The following IFT43 variants were observed in gnomAD, a reference collection of about 807,000 sequenced individuals.
IFT43 encodes intraflagellar transport protein 43 homolog.
Under a neutral mutation model 32.3 loss-of-function variants are expected in IFT43, and 33 were observed. The observed-to-expected ratio is 1.02, with a 90% CI of 0.77 to 1.37. IFT43 has a LOEUF of 1.37. IFT43 is among the 40% of genes most tolerant of loss of function. IFT43 has a pLI of 0.00. For synonymous variants in IFT43, 93 were observed against 98.2 expected (o/e 0.95, Z 0.31); for missense variants, 274 against 265.9 (o/e 1.03, Z -0.21).
intron 5 of IFT43, among the ~76,000 whole-genome samples, chr14:76,075,342 C>T (rs917201845): frequency 2.6e-5 from 4 of 152,206 alleles, no homozygotes; most frequent in South Asian, 2.1e-4. Context: ...AGACCTGAGA[C>T]GTGTTTGTGC....
At chr14:76,010,438 T>C (rs1196504074) in intron 2 of IFT43, among the ~76,000 whole-genome samples, 2 of 152,208 alleles carry the variant, frequency 1.3e-5, no homozygotes, top group African/African-American at 2.4e-5. Flanking sequence ...CTAGTTTCTT[T>C]ATTGTTTTAA....
At chr14:76,011,855 T>G (rs1449765164) in intron 2 of IFT43, among the ~76,000 whole-genome samples, 1 of 152,150 alleles carries the variant, frequency 6.6e-6, no homozygotes, top group Non-Finnish European at 1.5e-5. Flanking sequence ...GTTGGAACTG[T>G]GCGTGGAGGA....
intron 2 of IFT43, among the ~76,000 whole-genome samples, chr14:75,990,750 G>A (rs897635974): frequency 6.6e-6 from 1 of 152,202 alleles, no homozygotes; most frequent in African/African-American, 2.4e-5. Flanking sequence ...AGCTTGAACT[G>A]CAGTGGTGTA....
rs571752378 is a variant in IFT43 at position 76,060,864 on chromosome 14, T to C, written c.295+1491T>C. Among the ~76,000 whole-genome samples, 159 of 137,412 alleles carry C rather than the reference T, an allele frequency of 1.2e-3. 4 individuals carry two copies. The South Asian group carries it at 0.036, about 31-fold the overall frequency. 90.1% of individuals were successfully genotyped at this position (137,412 alleles called of 152,430 possible). ...TTCCTTCCTTCCTTCCTTCCTTCTT[T>C]TCTTTCCTTTTCCTGCTCTCCCCTC... On this transcript the variant is annotated intron_variant, in intron 5 of 8. Transcript: ENST00000314067.
chr14:76,009,600 T>TTAGGTACCTTCCTCC (rs1269463725), intron 2 of IFT43, among the ~76,000 whole-genome samples: 2 of 152,214 alleles, frequency 1.3e-5, no homozygotes, highest in African/African-American at 4.8e-5. Flanking sequence ...TCTGTTTTGC[T>TTAGGTACCTTCCTCC]TAGGTACCTT....
At chr14:76,044,265 C>A (rs1349057912) in intron 3 of IFT43, among the ~76,000 whole-genome samples, 1 of 152,108 alleles carries the variant, frequency 6.6e-6, no homozygotes, top group Non-Finnish European at 1.5e-5. Context: ...GTCTCGAACT[C>A]CTGGCCTCAA....
At chr14:76,079,911 C>T (rs559917822) in intron 5 of IFT43, among the ~76,000 whole-genome samples, 8 of 149,826 alleles carry the variant, frequency 5.3e-5, no homozygotes, top group South Asian at 4.2e-4. Flanking sequence ...TTTCTGTGTT[C>T]GTTCATGGTA....
At chr14:76,060,848 TCC>T (rs1469411817) in intron 5 of IFT43, among the ~76,000 whole-genome samples, 199 of 142,016 alleles carry the variant, frequency 1.4e-3, no homozygotes, top group Middle Eastern at 3.4e-3. Flanking sequence ...CTTCCTTCCT[TCC>T]TTCCTTCCTT....
At chr14:76,080,284 C>T (rs887932109) in intron 5 of IFT43, among the ~76,000 whole-genome samples, 13 of 152,100 alleles carry the variant, frequency 8.5e-5, no homozygotes, top group Admixed American at 2.0e-4. Context: ...CCACCAGCGC[C>T]GCTCTGAGCA....
chr14:76,064,255 C>T (rs1677361953), intron 5 of IFT43, among the ~76,000 whole-genome samples: 1 of 152,188 alleles, frequency 6.6e-6, no homozygotes, highest in Non-Finnish European at 1.5e-5. Context: ...TTTCTGTTCT[C>T]AGAGTCTGTT....
chr14:76,022,559 A>G (rs1022742027), intron 3 of IFT43, 165 bp downstream of exon 3: 1 of 542,074 alleles, frequency 1.8e-6, no homozygotes, highest in African/African-American at 1.9e-5. Context: ...TAATATATTC[A>G]CAGAGTTGTG....
At chr14:76,080,402 G>C (rs980473883) in intron 5 of IFT43, among the ~76,000 whole-genome samples, 1 of 152,222 alleles carries the variant, frequency 6.6e-6, no homozygotes, top group African/African-American at 2.4e-5. Context: ...AGGGAAGCCT[G>C]TGGGGAGTGA....
At chr14:75,999,261 A>AAATTCATTT (rs2035825260) in intron 2 of IFT43, among the ~76,000 whole-genome samples, 8 of 23,362 alleles carry the variant, frequency 3.4e-4, no homozygotes, top group East Asian at 1.3e-3. Context: ...ATATATATAT[A>AAATTCATTT]TATATATATA....
At chr14:76,083,336 CATA>C in intron 8 of IFT43, 47 bp downstream of exon 8, 1 of 1,610,018 alleles carries the variant, frequency 6.2e-7, no homozygotes, top group Non-Finnish European at 8.5e-7. Flanking sequence ...CTGGCATTCC[CATA>C]ACCAGCCGAC....
At chr14:76,064,458 G>A (rs1377380320) in intron 5 of IFT43, among the ~76,000 whole-genome samples, 3 of 152,206 alleles carry the variant, frequency 2.0e-5, no homozygotes, top group Non-Finnish European at 4.4e-5. Flanking sequence ...TCTGCCAGAC[G>A]TGAGCAAAGT....
intron 3 of IFT43, among the ~76,000 whole-genome samples, chr14:76,053,576 T>C (rs533415059): frequency 6.6e-6 from 1 of 152,272 alleles, no homozygotes; most frequent in African/African-American, 2.4e-5. Context: ...GAAAGGGCCA[T>C]CAGCCCGCCG....
chr14:76,054,682 C>A (rs900189974), intron 3 of IFT43, among the ~76,000 whole-genome samples: 4 of 152,180 alleles, frequency 2.6e-5, no homozygotes, highest in African/African-American at 9.7e-5. Context: ...TGCCAGGTTC[C>A]CCAAACTTCT....
intron 3 of IFT43, among the ~76,000 whole-genome samples, chr14:76,047,540 G>T (rs2036831127): frequency 6.6e-6 from 1 of 152,170 alleles, no homozygotes; most frequent in Non-Finnish European, 1.5e-5. Context: ...GTGGAAAGTT[G>T]TAGCAGGTCT....
At chr14:76,059,907 T>G (rs2037098243) in intron 5 of IFT43, among the ~76,000 whole-genome samples, 4 of 152,240 alleles carry the variant, frequency 2.6e-5, no homozygotes, top group African/African-American at 7.2e-5. Context: ...AGCCAGGATT[T>G]GAGTACAGTT....
Sources: gnomAD v4.1 joint callset for allele counts (sites outside exome capture counted in the v4.1 genomes callset) on GRCh38, gnomAD v4.1.1 for gene constraint, MANE v1.5 for transcripts, NCBI Gene and HGNC (gene_info 2026-07-23, HGNC 2026-07-21) for gene names.